The following HS3ST2 variants were observed in gnomAD, a reference collection of about 807,000 sequenced individuals.
The protein encoded by HS3ST2 is heparan sulfate-glucosamine 3-sulfotransferase 2.
In HS3ST2, 17 loss-of-function variants were observed where a neutral mutation model predicts 26.3. The observed-to-expected ratio is 0.65, with a 90% CI of 0.44 to 0.97. The LOEUF (loss-of-function observed/expected upper bound fraction) is 0.97. Among genes scored for constraint, HS3ST2 ranks in the 50% least tolerant of loss-of-function variants. HS3ST2 has a pLI of 0.00. For synonymous variants in HS3ST2, 237 were observed against 219.2 expected (o/e 1.08, Z -0.72); for missense variants, 402 against 501.2 (o/e 0.80, Z 1.89).
intron 1 of HS3ST2, among the ~76,000 whole-genome samples, chr16:22,845,376 G>A (rs1321619837): frequency 1.4e-5 from 2 of 142,256 alleles, no homozygotes; most frequent in East Asian, 4.0e-4. Flanking sequence ...TTTTGAGATG[G>A]AGTCTCACAC....
intron 1 of HS3ST2, among the ~76,000 whole-genome samples, chr16:22,909,922 A>G (rs1247700843): frequency 6.6e-6 from 1 of 151,740 alleles, no homozygotes; most frequent in Non-Finnish European, 1.5e-5. Flanking sequence ...CTGTAATCCC[A>G]GCTACTTGGG....
chr16:22,888,063 T>TG (rs1251242670), intron 1 of HS3ST2, among the ~76,000 whole-genome samples: 1 of 152,252 alleles, frequency 6.6e-6, no homozygotes. Flanking sequence ...GAGCTCCCAG[T>TG]GGGACCAAGC....
chr16:22,870,670 T>C (rs969022262), intron 1 of HS3ST2, among the ~76,000 whole-genome samples: 4 of 152,308 alleles, frequency 2.6e-5, no homozygotes, highest in Admixed American at 6.5e-5. Flanking sequence ...TTGGGGACTG[T>C]GCATTGTGTT....
At chr16:22,846,411 T>G (rs1006183802) in intron 1 of HS3ST2, among the ~76,000 whole-genome samples, 5 of 152,290 alleles carry the variant, frequency 3.3e-5, no homozygotes, top group Non-Finnish European at 5.9e-5. Flanking sequence ...ATGCCTCCCT[T>G]GTTATATTCC....
In HS3ST2 at chr16:22,814,784, C is replaced by A; in HGVS notation, c.174C>A (p.Gly58=). Residue 58 remains glycine, a synonymous_variant, in exon 1 of 2, where the codon GGC becomes GGA. Transcript: ENST00000261374. ...TCGGCGCGCCTCGCTGCCTCCGCGGCCCCAGCGCGGGCGGCCAGAAACTTC... is the reference window on the plus strand; with the variant it reads ...TCGGCGCGCCTCGCTGCCTCCGCGGACCCAGCGCGGGCGGCCAGAAACTTC... The part of the protein sequence containing the change: ...RLLGAPRCLR[G]PSAGGQKLLQ... 1 of 1,598,848 alleles carries A rather than the reference C, an allele frequency of 6.3e-7. No homozygotes were observed. The highest frequency in any genetic ancestry group is 1.3e-5 in the African/African-American group (1 of 74,740).
intron 1 of HS3ST2, among the ~76,000 whole-genome samples, chr16:22,903,674 G>C (rs895528395): frequency 6.6e-6 from 1 of 152,198 alleles, no homozygotes; most frequent in Non-Finnish European, 1.5e-5. Flanking sequence ...GCGAGGTGCA[G>C]TCTCTTTGCT....
At chr16:22,827,147 C>A (rs1341656218) in intron 1 of HS3ST2, among the ~76,000 whole-genome samples, 1 of 152,092 alleles carries the variant, frequency 6.6e-6, no homozygotes, top group Non-Finnish European at 1.5e-5. Flanking sequence ...AATGTTCTAG[C>A]AGAAGCAGCA....
Position 22,814,595 on chromosome 16 carries a change from G to A in HS3ST2, c.-16G>A. ...CCCCTCGGAAACCATGACCCCCGGC[G>A]CGGGCCCATGGAGCCATGGCCTATA... On this transcript the variant is annotated 5_prime_UTR_variant, in exon 1 of 2. Transcript: ENST00000261374. 1 of 1,511,824 alleles carries A rather than the reference G, an allele frequency of 6.6e-7. No homozygotes were observed. The highest frequency in any genetic ancestry group is 2.6e-5 in the East Asian group (1 of 38,686). 93.7% of individuals were successfully genotyped at this position (1,511,824 alleles called of 1,614,324 possible). A position where few individuals can be genotyped will look rare whatever the true frequency, so the allele number is the denominator to read the frequency against.
intron 1 of HS3ST2, among the ~76,000 whole-genome samples, chr16:22,853,074 GC>G (rs1901539759): frequency 1.3e-5 from 2 of 152,142 alleles, no homozygotes; most frequent in Admixed American, 1.3e-4. Context: ...ATAGCAGCAT[GC>G]ACAAATTGGA....
At chr16:22,820,657 A>G (rs1439678691) in intron 1 of HS3ST2, among the ~76,000 whole-genome samples, 1 of 152,250 alleles carries the variant, frequency 6.6e-6, no homozygotes, top group Non-Finnish European at 1.5e-5. Context: ...TGATTCAATT[A>G]TCTCCCACCT....
intron 1 of HS3ST2, among the ~76,000 whole-genome samples, chr16:22,824,994 GGA>G (rs144713222): frequency 2.6e-5 from 4 of 151,166 alleles, no homozygotes; most frequent in Non-Finnish European, 3.0e-5. Flanking sequence ...AGATCTTATT[GGA>G]GAGAGAGAGA....
chr16:22,886,319 C>T (rs1474999202), intron 1 of HS3ST2, among the ~76,000 whole-genome samples: 1 of 152,110 alleles, frequency 6.6e-6, no homozygotes, highest in Non-Finnish European at 1.5e-5. Context: ...TTGGGAAATA[C>T]AACTTGGGGA....
At chr16:22,850,863 C>T (rs1901510142) in intron 1 of HS3ST2, among the ~76,000 whole-genome samples, 2 of 152,146 alleles carry the variant, frequency 1.3e-5, no homozygotes, top group African/African-American at 4.8e-5. Context: ...CATACAGCCG[C>T]AGTTCTGCAG....
At chr16:22,889,724 A>G (rs1902106304) in intron 1 of HS3ST2, among the ~76,000 whole-genome samples, 1 of 152,036 alleles carries the variant, frequency 6.6e-6, no homozygotes, top group African/African-American at 2.4e-5. Context: ...GTGTCCCTCA[A>G]TTTTTAGGTG....
chr16:22,829,837 T>C (rs895471003), intron 1 of HS3ST2, among the ~76,000 whole-genome samples: 2 of 152,208 alleles, frequency 1.3e-5, no homozygotes, highest in Admixed American at 6.5e-5. Context: ...TATTGCTGTC[T>C]TGGGTCCTGC....
At chr16:22,878,966 C>A (rs1901953875) in intron 1 of HS3ST2, among the ~76,000 whole-genome samples, 1 of 152,206 alleles carries the variant, frequency 6.6e-6, no homozygotes, top group African/African-American at 2.4e-5. Context: ...GGGAACAGGG[C>A]AGAGGGTCTC....
chr16:22,841,318 C>T (rs559077098), intron 1 of HS3ST2, among the ~76,000 whole-genome samples: 1 of 152,274 alleles, frequency 6.6e-6, no homozygotes, highest in East Asian at 1.9e-4. Flanking sequence ...GCCTTGGCCT[C>T]CCAAAGTGCT....
In HS3ST2 at chr16:22,915,677, C is replaced by A; in HGVS notation, c.*115C>A. 4 of 1,169,872 alleles carry A rather than the reference C, an allele frequency of 3.4e-6. 1 individual carries two copies. The South Asian group carries it at 4.6e-5, about 13-fold the overall frequency. The allele number at this position is 1,169,872 out of a possible 1,614,324, so 72.5% of individuals were successfully genotyped here. A position where few individuals can be genotyped will look rare whatever the true frequency, so the allele number is the denominator to read the frequency against. Reference sequence around the variant, plus strand: ...CCCTGGCTCCAGCCCCCTTTCCCAACTTGAGTTGCATCATCTTGGAACCAG... The same window carrying A: ...CCCTGGCTCCAGCCCCCTTTCCCAAATTGAGTTGCATCATCTTGGAACCAG... On this transcript the variant is annotated 3_prime_UTR_variant, in exon 2 of 2. Coordinates refer to ENST00000261374, the MANE Select transcript of HS3ST2 (RefSeq NM_006043.2).
At chr16:22,839,853 G>A (rs1156755145) in intron 1 of HS3ST2, among the ~76,000 whole-genome samples, 3 of 152,140 alleles carry the variant, frequency 2.0e-5, no homozygotes, top group Non-Finnish European at 4.4e-5. Context: ...TCCTATTTCC[G>A]TGGAAGACGA....
Sources: allele counts gnomAD v4.1 joint callset (sites outside exome capture counted in the v4.1 genomes callset), GRCh38; gene constraint gnomAD v4.1.1; transcripts MANE v1.5; gene names NCBI Gene and HGNC (gene_info 2026-07-23, HGNC 2026-07-21).